The following CNTN4 variants were observed in gnomAD, a reference collection of about 807,000 sequenced individuals.
CNTN4 encodes the protein contactin-4.
CNTN4 carries 77 observed loss-of-function variants against 122.5 expected under a neutral mutation model. The ratio of observed to expected loss-of-function variants is 0.63; its 90% CI spans 0.52 to 0.76. The LOEUF (loss-of-function observed/expected upper bound fraction) is 0.76. CNTN4 is among the 30% of genes least tolerant of loss of function. CNTN4 has a pLI of 0.00. For synonymous variants in CNTN4, 512 were observed against 447.0 expected, an observed-to-expected ratio of 1.15 and a Z score of -1.83; for missense variants, 1,256 against 1,259.1, an observed-to-expected ratio of 1.00 and a Z score of 0.04.
At position 2,506,138 on chromosome 3, in the gene CNTN4, C is replaced by T. The variant is rs558496110; in HGVS notation, c.-88-65278C>T. ...CCTTCTCATTTTGTTCCATCTGCACCGGATCTAAGGAGAGACACTTTCCCT... is the reference window on the plus strand; with the variant it reads ...CCTTCTCATTTTGTTCCATCTGCACTGGATCTAAGGAGAGACACTTTCCCT... On this transcript the variant is annotated intron_variant, in intron 3 of 24. Transcript: ENST00000418658. 3.7e-4 allele frequency among the ~76,000 whole-genome samples: 56 copies of T among 152,162 alleles called. 1 individual carries two copies. In the Middle Eastern group the frequency reaches 0.01, roughly 28 times the overall value.
At chr3:2,995,133 A>G (rs78058455) in intron 14 of CNTN4, among the ~76,000 whole-genome samples, 13,695 of 152,108 alleles carry the variant, frequency 0.09, 811 homozygotes, top group Non-Finnish European at 0.13. Context: ...AGAACATTTC[A>G]ATACTAGATC....
chr3:2,311,878 A>G (rs541687683), intron 2 of CNTN4, among the ~76,000 whole-genome samples: 1 of 152,122 alleles, frequency 6.6e-6, no homozygotes, highest in Non-Finnish European at 1.5e-5. Flanking sequence ...TTAAAGATAA[A>G]CAGAACTTCT....
chr3:2,491,315 T>C (rs4684349), intron 3 of CNTN4, among the ~76,000 whole-genome samples: 55,652 of 151,942 alleles, frequency 0.37, 10,696 homozygotes, highest in Admixed American at 0.47. Flanking sequence ...GAGTAATAGA[T>C]TGAAAATTTT....
chr3:3,003,706 AAAAAAAAAC>A (rs1345796763), intron 14 of CNTN4, among the ~76,000 whole-genome samples: 3 of 143,254 alleles, frequency 2.1e-5, no homozygotes, highest in Non-Finnish European at 3.0e-5. Context: ...AAAAAAAAAA[AAAAAAAAAC>A]AAAAAAACCC....
chr3:2,392,735 T>C (rs2046487002), intron 3 of CNTN4, among the ~76,000 whole-genome samples: 1 of 152,174 alleles, frequency 6.6e-6, no homozygotes, highest in Admixed American at 6.5e-5. Flanking sequence ...CAAAAGCTCA[T>C]TCCTCTTATT....
chr3:2,879,377 A>G (rs563126346), intron 8 of CNTN4, among the ~76,000 whole-genome samples: 1 of 152,202 alleles, frequency 6.6e-6, no homozygotes, highest in African/African-American at 2.4e-5. Flanking sequence ...CTAGAACTGT[A>G]AGAGAATAAA....
At chr3:2,680,048 C>T (rs2085082294) in intron 4 of CNTN4, among the ~76,000 whole-genome samples, 4 of 152,134 alleles carry the variant, frequency 2.6e-5, no homozygotes, top group South Asian at 4.1e-4. Flanking sequence ...ATGTTCATTA[C>T]GTTTGCCAGC....
intron 14 of CNTN4, among the ~76,000 whole-genome samples, chr3:3,016,447 G>A (rs911978319): frequency 6.6e-6 from 1 of 152,180 alleles, no homozygotes; most frequent in African/African-American, 2.4e-5. Context: ...TGCTACTGAA[G>A]CATGGCACAA....
In CNTN4 at chr3:2,561,312, C is replaced by T. The variant is rs544242204; in HGVS notation, c.-88-10104C>T. ...CACCAGCGAGCAGAAGGAAAACAAACGTGAGATGATTGCTAAGAAATCCTT... is the reference window on the plus strand; with the variant it reads ...CACCAGCGAGCAGAAGGAAAACAAATGTGAGATGATTGCTAAGAAATCCTT... On this transcript the variant is annotated intron_variant, in intron 3 of 24. Transcript: ENST00000418658. Among the ~76,000 whole-genome samples, 41 of 152,268 alleles carry T rather than the reference C, an allele frequency of 2.7e-4. No homozygotes were observed. In the South Asian group the frequency reaches 4.6e-3, roughly 17 times the overall value.
At chr3:2,827,963 C>G (rs1432183793) in intron 7 of CNTN4, among the ~76,000 whole-genome samples, 2 of 152,064 alleles carry the variant, frequency 1.3e-5, no homozygotes, top group African/African-American at 4.8e-5. Context: ...TTAACAATCA[C>G]TTAATTGTCA....
chr3:2,297,343 G>C (rs1278285858), intron 2 of CNTN4, among the ~76,000 whole-genome samples: 1 of 152,104 alleles, frequency 6.6e-6, no homozygotes, highest in Admixed American at 6.6e-5. Context: ...TCATACTGTT[G>C]AATATTTCCA....
intron 2 of CNTN4, among the ~76,000 whole-genome samples, chr3:2,112,054 G>A (rs879548043): frequency 6.6e-6 from 1 of 152,102 alleles, no homozygotes; most frequent in Non-Finnish European, 1.5e-5. Flanking sequence ...TTTTATGGTT[G>A]ACTATTACTG....
chr3:2,293,238 G>C, intron 2 of CNTN4, among the ~76,000 whole-genome samples: 1 of 152,132 alleles, frequency 6.6e-6, no homozygotes, highest in East Asian at 1.9e-4. Context: ...TTGTCTCCCT[G>C]TGCCTTTGCT....
intron 2 of CNTN4, among the ~76,000 whole-genome samples, chr3:2,182,373 A>G (rs917756951): frequency 6.6e-6 from 1 of 152,110 alleles, no homozygotes. Flanking sequence ...TTGAATTGAG[A>G]TGATATAAAG....
At chr3:3,020,625 C>G (rs1234511387) in intron 14 of CNTN4, among the ~76,000 whole-genome samples, 1 of 152,196 alleles carries the variant, frequency 6.6e-6, no homozygotes, top group Non-Finnish European at 1.5e-5. Flanking sequence ...TCATGTTCTT[C>G]TGTGGCAGCC....
rs534596904 is a variant in CNTN4, at chr3:2,828,658, A to G, written c.454+9077A>G. Among the ~76,000 whole-genome samples the G allele has an allele frequency of 2.6e-5, 4 of 152,308 alleles. 1 individual carries two copies. Among genetic ancestry groups the G allele is most frequent in the African/African-American group, 9.6e-5 (4 of 41,562 alleles). On this transcript the variant is annotated intron_variant, in intron 7 of 24. Transcript: ENST00000418658. ...ATATCTATCTCAATTCAGAGGGGAA[A>G]GCTTAACATTTAGTTAGTGATAGGT...
intron 2 of CNTN4, among the ~76,000 whole-genome samples, chr3:2,159,437 A>G (rs2035864232): frequency 6.6e-6 from 1 of 152,194 alleles, no homozygotes; most frequent in African/African-American, 2.4e-5. Context: ...TCAAAAGGTG[A>G]CACAAAAGCC....
At chr3:2,142,308 G>C (rs1301597494) in intron 2 of CNTN4, among the ~76,000 whole-genome samples, 1 of 151,824 alleles carries the variant, frequency 6.6e-6, no homozygotes, top group Non-Finnish European at 1.5e-5. Flanking sequence ...TTTGTTTTTA[G>C]AGCTAGAGAC....
intron 2 of CNTN4, among the ~76,000 whole-genome samples, chr3:2,125,287 G>A (rs2034068520): frequency 1.3e-5 from 2 of 149,892 alleles, no homozygotes; most frequent in Admixed American, 6.7e-5. Flanking sequence ...GTCACATATG[G>A]CAGGATTTCC....
Sources: gnomAD v4.1 joint callset for allele counts (sites outside exome capture counted in the v4.1 genomes callset) on GRCh38, gnomAD v4.1.1 for gene constraint, MANE v1.5 for transcripts, NCBI Gene and HGNC (gene_info 2026-07-23, HGNC 2026-07-21) for gene names.